Variants in ERC1 observed in about 807,000 individuals in gnomAD.
ERC1 encodes the protein RAB6 interacting protein 2.
In ERC1, 56 loss-of-function variants were observed where a neutral mutation model predicts 132.0. The ratio of observed to expected loss-of-function variants is 0.42; its 90% CI spans 0.34 to 0.53. The LOEUF (loss-of-function observed/expected upper bound fraction) is 0.53, where lower values mean the gene tolerates loss of function less well. Among genes scored for constraint, ERC1 ranks in the 20% least tolerant of loss-of-function variants. ERC1 has a pLI of 0.03. For missense variants in ERC1, 1,202 were observed against 1,349.9 expected (o/e 0.89, Z 1.72); for synonymous variants, 478 against 476.1 (o/e 1.00, Z -0.05).
chr12:1,433,757 A>G (rs1167775757), intron 17 of ERC1, among the ~76,000 whole-genome samples: 1 of 152,248 alleles, frequency 6.6e-6, no homozygotes, highest in African/African-American at 2.4e-5. Flanking sequence ...AGAAGATTAC[A>G]GTTGCTGAAG....
At chr12:1,124,115 A>G (rs1947882815) in intron 7 of ERC1, among the ~76,000 whole-genome samples, 1 of 152,250 alleles carries the variant, frequency 6.6e-6, no homozygotes, top group Admixed American at 6.5e-5. Context: ...AAGTTTTAAT[A>G]ACATTAACAA....
intron 15 of ERC1, among the ~76,000 whole-genome samples, chr12:1,305,687 T>C (rs2080827274): frequency 6.6e-6 from 1 of 152,220 alleles, no homozygotes; most frequent in Admixed American, 6.5e-5. Flanking sequence ...TCACAATATT[T>C]ATCACAAGTA....
At chr12:1,172,561 T>C (rs934998851) in intron 8 of ERC1, among the ~76,000 whole-genome samples, 7 of 152,200 alleles carry the variant, frequency 4.6e-5, no homozygotes, top group Admixed American at 2.0e-4. Flanking sequence ...ACCTGTTGGG[T>C]ATCACCCCCC....
intron 15 of ERC1, among the ~76,000 whole-genome samples, chr12:1,334,999 T>C (rs1382687318): frequency 1.3e-5 from 2 of 152,192 alleles, no homozygotes; most frequent in Non-Finnish European, 2.9e-5. Flanking sequence ...CACGTGTAAA[T>C]GGAATTACAT....
intron 17 of ERC1, among the ~76,000 whole-genome samples, chr12:1,425,023 AC>A (rs1427449182): frequency 6.6e-6 from 1 of 151,686 alleles, no homozygotes; most frequent in Non-Finnish European, 1.5e-5. Context: ...AAACCTAAGA[AC>A]CTTTTTTTTT....
In ERC1 at chr12:1,489,056, C is replaced by T. The variant is rs190574247; in HGVS notation, c.3214-1037C>T. Among the ~76,000 whole-genome samples the T allele has an allele frequency of 2.0e-4, 31 of 152,326 alleles. No individual in the cohort carries two copies. The East Asian group carries it at 2.9e-3, about 14-fold the overall frequency. Reference sequence around the variant, plus strand: ...TGTGGTTTGGTTTCTAGGCAGATCACGCTGGAACGTCCTCACTTCACGTGC... The same window carrying T: ...TGTGGTTTGGTTTCTAGGCAGATCATGCTGGAACGTCCTCACTTCACGTGC... On this transcript the variant is annotated intron_variant, in intron 18 of 18. Coordinates refer to ENST00000360905, the MANE Select transcript of ERC1 (RefSeq NM_178040.4).
At chr12:1,124,494 T>C (rs982109216) in intron 7 of ERC1, among the ~76,000 whole-genome samples, 2 of 151,948 alleles carry the variant, frequency 1.3e-5, no homozygotes, top group Admixed American at 6.6e-5. Flanking sequence ...TAGAAAAAAA[T>C]CTGTGGGGTG....
At chr12:1,097,715 A>ATTT (rs544266211) in intron 3 of ERC1, among the ~76,000 whole-genome samples, 11 of 137,454 alleles carry the variant, frequency 8.0e-5, no homozygotes, top group African/African-American at 2.7e-4. Flanking sequence ...TTAATTTTTA[A>ATTT]TTTTTTTTTT....
chr12:1,483,666 AGCTTTTTT>A (rs2094135147), intron 18 of ERC1, among the ~76,000 whole-genome samples: 1 of 89,116 alleles, frequency 1.1e-5, no homozygotes, highest in African/African-American at 3.6e-5. Flanking sequence ...AGCCACTGAG[AGCTTTTTT>A]TTTTTTTTTT....
chr12:1,418,193 A>G (rs12099474), intron 17 of ERC1, among the ~76,000 whole-genome samples: 37,709 of 152,118 alleles, frequency 0.25, 7,969 homozygotes, highest in African/African-American at 0.58. Context: ...ACAAGAGAGA[A>G]GAGAGTAAAT....
At chr12:1,344,781 G>T (rs1327776570) in intron 15 of ERC1, among the ~76,000 whole-genome samples, 2 of 152,178 alleles carry the variant, frequency 1.3e-5, no homozygotes, top group Middle Eastern at 3.4e-3. Flanking sequence ...TAACAACTCC[G>T]TTAAGTTTAC....
chr12:1,375,755 T>TTTTTTTTG (rs2087821513), intron 16 of ERC1, among the ~76,000 whole-genome samples: 2 of 103,992 alleles, frequency 1.9e-5, no homozygotes, highest in African/African-American at 4.4e-5. Flanking sequence ...TTTTTTTTTT[T>TTTTTTTTG]GAGGTGGAGT....
intron 15 of ERC1, among the ~76,000 whole-genome samples, chr12:1,299,180 T>G (rs1314010169): frequency 6.6e-6 from 1 of 152,224 alleles, no homozygotes; most frequent in African/African-American, 2.4e-5. Flanking sequence ...CTTGACTTAT[T>G]TAACATTTAT....
At chr12:1,149,731 T>A (rs1950672835) in intron 8 of ERC1, among the ~76,000 whole-genome samples, 1 of 152,178 alleles carries the variant, frequency 6.6e-6, no homozygotes, top group Non-Finnish European at 1.5e-5. Context: ...CATTTATTTC[T>A]GAAACTCAGC....
At chr12:1,250,006 C>T (rs745797542) in intron 13 of ERC1, among the ~76,000 whole-genome samples, 47 of 152,294 alleles carry the variant, frequency 3.1e-4, no homozygotes, top group African/African-American at 9.4e-4. Context: ...TAGATTTCAA[C>T]GTTTGAATTT....
chr12:994,683 A>G (rs997899870), intron 1 of ERC1, among the ~76,000 whole-genome samples: 2 of 152,238 alleles, frequency 1.3e-5, no homozygotes, highest in African/African-American at 4.8e-5. Flanking sequence ...TATTAAATAC[A>G]TATTATGTAC....
chr12:1,305,435 A>G (rs2080805162), intron 15 of ERC1, among the ~76,000 whole-genome samples: 1 of 152,062 alleles, frequency 6.6e-6, no homozygotes, highest in Admixed American at 6.6e-5. Context: ...GGTTAGTTCC[A>G]TCTCCTCCTG....
chr12:1,440,601 TGTGTGTGTGTGTG>T (rs1289111325), intron 17 of ERC1, among the ~76,000 whole-genome samples: 133 of 12,382 alleles, frequency 0.011, 24 homozygotes, highest in African/African-American at 0.024. Flanking sequence ...CTCAGCCTTT[TGTGTGTGTGTGTG>T]TGTGTGTGTG....
intron 15 of ERC1, among the ~76,000 whole-genome samples, chr12:1,311,124 A>C (rs2081273905): frequency 6.6e-6 from 1 of 152,244 alleles, no homozygotes; most frequent in Non-Finnish European, 1.5e-5. Flanking sequence ...AATCAAGTTC[A>C]TGTTTTGTAA....
Sources: gnomAD v4.1 joint callset for allele counts (sites outside exome capture counted in the v4.1 genomes callset) on GRCh38, gnomAD v4.1.1 for gene constraint, MANE v1.5 for transcripts, NCBI Gene and HGNC (gene_info 2026-07-23, HGNC 2026-07-21) for gene names.